The following MAD1L1 variants were observed in gnomAD, a reference collection of about 807,000 sequenced individuals.
MAD1L1 encodes the protein mitotic arrest deficient 1 like 1.
A neutral mutation model predicts 96.9 loss-of-function variants in MAD1L1; 95 were observed. That is an observed-to-expected ratio of 0.98 (90% CI 0.83 to 1.16). MAD1L1 has a LOEUF of 1.16. MAD1L1 is among the 50% of genes most tolerant of loss of function. The probability of loss-of-function intolerance (pLI) is 0.00; values close to 1 mark genes in which losing one functional copy is unlikely to be tolerated. For missense variants in MAD1L1, 1,007 were observed against 954.4 expected, an observed-to-expected ratio of 1.06 and a Z score of -0.73; for synonymous variants, 473 against 396.6, an observed-to-expected ratio of 1.19 and a Z score of -2.29.
At chr7:2,091,717 A>G (rs1584298374) in intron 11 of MAD1L1, among the ~76,000 whole-genome samples, 1 of 151,810 alleles carries the variant, frequency 6.6e-6, no homozygotes, top group South Asian at 2.1e-4. Flanking sequence ...CGGAGCTTGC[A>G]GTGAGCAGAG....
At chr7:1,889,350 G>A (rs1006668247) in intron 18 of MAD1L1, among the ~76,000 whole-genome samples, 6 of 152,196 alleles carry the variant, frequency 3.9e-5, no homozygotes, top group Non-Finnish European at 8.8e-5. Context: ...GGGATGGCGT[G>A]GCTGGTGTGC....
intron 10 of MAD1L1, among the ~76,000 whole-genome samples, chr7:2,179,361 C>T (rs13229611): frequency 2.2e-4 from 34 of 152,038 alleles, no homozygotes; most frequent in Admixed American, 3.3e-4. Flanking sequence ...AACCCCGTCT[C>T]TACTAAAAAT....
At chr7:2,056,029 G>C (rs925673555) in intron 12 of MAD1L1, among the ~76,000 whole-genome samples, 7 of 152,190 alleles carry the variant, frequency 4.6e-5, no homozygotes, top group African/African-American at 1.7e-4. Context: ...ATCAAGGCTG[G>C]CCGCATGGCC....
chr7:2,139,407 C>T (rs933124833), intron 11 of MAD1L1, among the ~76,000 whole-genome samples: 3 of 152,304 alleles, frequency 2.0e-5, no homozygotes, highest in Admixed American at 1.3e-4. Flanking sequence ...AGATGCCCCC[C>T]ACCCTCAGCA....
intron 10 of MAD1L1, among the ~76,000 whole-genome samples, chr7:2,192,795 T>C (rs1791792096): frequency 1.3e-5 from 2 of 152,210 alleles, no homozygotes; most frequent in Admixed American, 6.5e-5. Flanking sequence ...TGCTGAAAAG[T>C]ATATGCAAAT....
chr7:2,159,423 G>A (rs2128587130), intron 10 of MAD1L1, among the ~76,000 whole-genome samples: 1 of 152,284 alleles, frequency 6.6e-6, no homozygotes, highest in Middle Eastern at 3.4e-3. Flanking sequence ...TCAATGGAAT[G>A]TCACCTGAGC....
intron 11 of MAD1L1, among the ~76,000 whole-genome samples, chr7:2,093,276 G>A (rs1482743591): frequency 1.3e-5 from 2 of 149,534 alleles, no homozygotes; most frequent in African/African-American, 2.5e-5. Context: ...TTCAGAGGGA[G>A]GGCAGTACAT....
chr7:1,856,067 C>T lies in MAD1L1; in HGVS notation c.1999-39839G>A, dbSNP rs185272546. 2.6e-5 allele frequency among the ~76,000 whole-genome samples: 4 copies of T among 152,322 alleles called. No individual in the cohort carries two copies. In the East Asian group the frequency reaches 7.7e-4, roughly 29 times the overall value. Reference sequence around the variant, plus strand: ...CGGCTTCTTCATAAAGTGCTAATCCCAGTCCAAGGGCTGCACTTCCTAATC... The same window carrying T: ...CGGCTTCTTCATAAAGTGCTAATCCTAGTCCAAGGGCTGCACTTCCTAATC... On this transcript the variant is annotated intron_variant, in intron 18 of 18. Coordinates refer to ENST00000265854, the MANE Select transcript of MAD1L1 (RefSeq NM_001013836.2).
chr7:1,914,950 T>C (rs922013452), intron 17 of MAD1L1, among the ~76,000 whole-genome samples: 1 of 152,178 alleles, frequency 6.6e-6, no homozygotes, highest in Non-Finnish European at 1.5e-5. Flanking sequence ...TGGTTTGTCA[T>C]GGCAGCAACA....
At chr7:1,821,295 A>G (rs1446984927) in intron 18 of MAD1L1, among the ~76,000 whole-genome samples, 1 of 152,138 alleles carries the variant, frequency 6.6e-6, no homozygotes, top group Non-Finnish European at 1.5e-5. Flanking sequence ...CATTAAATAA[A>G]TCAAGTTTGT....
intron 11 of MAD1L1, among the ~76,000 whole-genome samples, chr7:2,083,265 C>G (rs759383076): frequency 6.6e-6 from 1 of 152,258 alleles, no homozygotes; most frequent in Non-Finnish European, 1.5e-5. Flanking sequence ...CACTGAGTCA[C>G]CCGGCAGCTC....
intron 10 of MAD1L1, among the ~76,000 whole-genome samples, chr7:2,192,866 T>C (rs942382660): frequency 2.6e-5 from 4 of 152,222 alleles, no homozygotes; most frequent in African/African-American, 9.6e-5. Context: ...AAAAACTCAA[T>C]TTTAGTTTTA....
At chr7:1,874,115 C>A (rs982912439) in intron 18 of MAD1L1, among the ~76,000 whole-genome samples, 1 of 152,206 alleles carries the variant, frequency 6.6e-6, no homozygotes, top group African/African-American at 2.4e-5. Context: ...TCCAGGCTCT[C>A]CATCTGCACC....
chr7:2,077,106 G>A (rs1006651295), intron 11 of MAD1L1, among the ~76,000 whole-genome samples: 1 of 152,082 alleles, frequency 6.6e-6, no homozygotes, highest in Non-Finnish European at 1.5e-5. Flanking sequence ...CCGCGGCATG[G>A]TGAGCCCGAG....
chr7:1,822,869 T>A (rs1413299808), intron 18 of MAD1L1, among the ~76,000 whole-genome samples: 1 of 151,976 alleles, frequency 6.6e-6, no homozygotes, highest in Non-Finnish European at 1.5e-5. Flanking sequence ...ATACGGCTCC[T>A]ACGTCAGACA....
At chr7:1,881,719 G>A (rs1192083220) in intron 18 of MAD1L1, among the ~76,000 whole-genome samples, 2 of 152,226 alleles carry the variant, frequency 1.3e-5, no homozygotes, top group African/African-American at 4.8e-5. Context: ...ATCTGTCACA[G>A]ACCCGACTTC....
chr7:2,230,486 A>G, intron 2 of MAD1L1, 63 bp downstream of exon 2: 1 of 229,452 alleles, frequency 4.4e-6, no homozygotes, highest in East Asian at 9.5e-5. Flanking sequence ...CTCCAGAGAC[A>G]CAGAGCCAAC....
At chr7:2,086,696 TG>T (rs1299905144) in intron 11 of MAD1L1, among the ~76,000 whole-genome samples, 1 of 152,218 alleles carries the variant, frequency 6.6e-6, no homozygotes, top group Non-Finnish European at 1.5e-5. Flanking sequence ...GGATTACAGT[TG>T]CCTGCCACCA....
intron 13 of MAD1L1, among the ~76,000 whole-genome samples, chr7:2,013,356 A>G (rs1782385369): frequency 1.3e-5 from 2 of 152,240 alleles, no homozygotes; most frequent in Non-Finnish European, 2.9e-5. Flanking sequence ...CCCAGCCCAG[A>G]CACAGTGACC....
Sources: gnomAD v4.1 joint callset for allele counts (sites outside exome capture counted in the v4.1 genomes callset) on GRCh38, gnomAD v4.1.1 for gene constraint, MANE v1.5 for transcripts, NCBI Gene and HGNC (gene_info 2026-07-23, HGNC 2026-07-21) for gene names.